MGAT3: variants seen among roughly 807,000 people sequenced by gnomAD.
The protein encoded by MGAT3 is GlcNAc-T III.
MGAT3 carries 9 observed loss-of-function variants against 29.8 expected under a neutral mutation model. That is an observed-to-expected ratio of 0.30 (90% CI 0.18 to 0.53). The LOEUF is 0.53. MGAT3 is among the 20% of genes least tolerant of loss of function. MGAT3 has a pLI of 0.96. For synonymous variants in MGAT3, 397 were observed against 348.9 expected, an observed-to-expected ratio of 1.14 and a Z score of -1.54; for missense variants, 557 against 769.5, an observed-to-expected ratio of 0.72 and a Z score of 3.27.
At chr22:39,481,337 G>A (rs73885231) in intron 1 of MGAT3, among the ~76,000 whole-genome samples, 7,978 of 152,246 alleles carry the variant, frequency 0.052, 340 homozygotes, top group African/African-American at 0.12. Context: ...GCTCCTGCCC[G>A]TTACCCGCTT....
At chr22:39,465,943 A>G (rs1928632925) in intron 1 of MGAT3, among the ~76,000 whole-genome samples, 1 of 151,872 alleles carries the variant, frequency 6.6e-6, no homozygotes, top group South Asian at 2.1e-4. Context: ...AAAAAAAAAA[A>G]AAAAAGAAAA....
At chr22:39,471,474 T>C (rs1369650374) in intron 1 of MGAT3, among the ~76,000 whole-genome samples, 4 of 152,104 alleles carry the variant, frequency 2.6e-5, no homozygotes, top group Non-Finnish European at 4.4e-5. Context: ...GCCCAATTAA[T>C]AATTACAGGC....
intron 1 of MGAT3, among the ~76,000 whole-genome samples, chr22:39,464,757 T>A (rs990481169): frequency 4.0e-5 from 6 of 151,272 alleles, no homozygotes; most frequent in South Asian, 2.1e-4. Context: ...ATATTTATTT[T>A]TTTTTCTTTT....
chr22:39,459,959 C>T (rs1773613563), intron 1 of MGAT3, among the ~76,000 whole-genome samples: 1 of 152,254 alleles, frequency 6.6e-6, no homozygotes, highest in South Asian at 2.1e-4. Flanking sequence ...CTGGGCTGGA[C>T]GTGAACGGCA....
chr22:39,475,525 GTTAAC>G (rs1928933472), intron 1 of MGAT3, among the ~76,000 whole-genome samples: 2 of 152,178 alleles, frequency 1.3e-5, no homozygotes, highest in Non-Finnish European at 2.9e-5. Flanking sequence ...CCCTCCTGTA[GTTAAC>G]CAATGCTCTA....
chr22:39,471,227 G>C (rs1422379994), intron 1 of MGAT3, among the ~76,000 whole-genome samples: 2 of 152,168 alleles, frequency 1.3e-5, no homozygotes, highest in African/African-American at 4.8e-5. Flanking sequence ...TGTCCAGATG[G>C]TCTGGGGCAG....
chr22:39,472,201 C>A (rs905008382), intron 1 of MGAT3, among the ~76,000 whole-genome samples: 1 of 152,022 alleles, frequency 6.6e-6, no homozygotes, highest in Non-Finnish European at 1.5e-5. Flanking sequence ...CAGAATCCAG[C>A]CTCTGCCCCC....
At position 39,489,115 on chromosome 22, in the gene MGAT3, C is replaced by A; in HGVS notation, c.*166C>A. On this transcript the variant is annotated 3_prime_UTR_variant, in exon 2 of 2. Coordinates refer to ENST00000341184, the MANE Select transcript of MGAT3 (RefSeq NM_002409.5). ...ACTGAAGCCCTTGTGAATCAAGGGT[C>A]AGGCCTTTGAGCTCAGAAAATATCC... is the stretch of plus-strand genomic sequence containing the variant. 1 of 960,938 alleles carries A rather than the reference C, an allele frequency of 1.0e-6. No individual in the cohort carries two copies. The highest frequency in any genetic ancestry group is 1.5e-6 in the Non-Finnish European group (1 of 653,786). 59.5% of individuals were successfully genotyped at this position (960,938 alleles called of 1,614,324 possible).
rs1287999933 is a variant in MGAT3 at position 39,489,025 on chromosome 22, C to A, written c.*76C>A. The A allele has an allele frequency of 2.2e-5, 23 of 1,049,300 alleles. No homozygotes were observed. The highest frequency in any genetic ancestry group is 2.8e-5 in the Non-Finnish European group (22 of 788,486). The allele number at this position is 1,049,300 out of a possible 1,614,324, so 65.0% of individuals were successfully genotyped here. On this transcript the variant is annotated 3_prime_UTR_variant, in exon 2 of 2. Transcript: ENST00000341184. ...CTAGCGCTATCTCCCTGCCTCCTGC[C>A]GGCTCCTTGGTTCTTGAGGGGACCA...
chr22:39,470,612 C>T (rs1928780723), intron 1 of MGAT3, among the ~76,000 whole-genome samples: 1 of 152,070 alleles, frequency 6.6e-6, no homozygotes, highest in African/African-American at 2.4e-5. Context: ...CTAGTGAGGA[C>T]CTCGGGGTGG....
At chr22:39,485,095 G>C (rs1267891536) in intron 1 of MGAT3, among the ~76,000 whole-genome samples, 1 of 152,218 alleles carries the variant, frequency 6.6e-6, no homozygotes, top group African/African-American at 2.4e-5. Context: ...ATCTAGGTGG[G>C]ACAGTGCCAG....
At chr22:39,480,998 A>G (rs1348858506) in intron 1 of MGAT3, among the ~76,000 whole-genome samples, 3 of 152,196 alleles carry the variant, frequency 2.0e-5, no homozygotes, top group Non-Finnish European at 4.4e-5. Flanking sequence ...ATTCATTCTC[A>G]GCAGAGCAGC....
At chr22:39,481,071 AG>A (rs1270019012) in intron 1 of MGAT3, among the ~76,000 whole-genome samples, 1 of 152,180 alleles carries the variant, frequency 6.6e-6, no homozygotes, top group Non-Finnish European at 1.5e-5. Context: ...CTCCAGTGAA[AG>A]CCACACTTCG....
chr22:39,478,020 G>C (rs1000576520), intron 1 of MGAT3, among the ~76,000 whole-genome samples: 2 of 152,252 alleles, frequency 1.3e-5, no homozygotes, highest in East Asian at 3.8e-4. Flanking sequence ...TGCCCCAGGA[G>C]CTGCTGTACA....
intron 1 of MGAT3, among the ~76,000 whole-genome samples, chr22:39,472,053 C>T (rs981786601): frequency 6.6e-6 from 1 of 152,060 alleles, no homozygotes; most frequent in Non-Finnish European, 1.5e-5. Context: ...GGCTCAGCCT[C>T]CTTCCAGGGT....
At chr22:39,481,157 G>A (rs1411234828) in intron 1 of MGAT3, among the ~76,000 whole-genome samples, 2 of 152,140 alleles carry the variant, frequency 1.3e-5, no homozygotes, top group Non-Finnish European at 2.9e-5. Context: ...CGTCCCACCC[G>A]CCTTGCTGTT....
At chr22:39,486,293 C>T (rs890021786) in intron 1 of MGAT3, 32 of 326,374 alleles carry the variant, frequency 9.8e-5, no homozygotes, top group African/African-American at 3.6e-4. Flanking sequence ...TATAGGCATG[C>T]GCCACTACAC....
rs1182033666 is a variant in MGAT3 at position 39,490,752 on chromosome 22, G to A, written c.*1803G>A. The A allele has an allele frequency of 6.0e-6, 1 of 166,838 alleles. No individual in the cohort carries two copies. The highest frequency in any genetic ancestry group is 1.5e-5 in the Non-Finnish European group (1 of 68,110). The allele number at this position is 166,838 out of a possible 1,614,324, so 10.3% of individuals were successfully genotyped here. A position where few individuals can be genotyped will look rare whatever the true frequency, so the allele number is the denominator to read the frequency against. Reference sequence around the variant, plus strand: ...ATGGGCATGGGTGCATGCTTGGTGTGTATTTGTACATGTCTGTATTGCTGT... The same window carrying A: ...ATGGGCATGGGTGCATGCTTGGTGTATATTTGTACATGTCTGTATTGCTGT... On this transcript the variant is annotated 3_prime_UTR_variant, in exon 2 of 2. Transcript: ENST00000341184.
chr22:39,461,858 C>T (rs551868030), intron 1 of MGAT3, among the ~76,000 whole-genome samples: 47 of 152,114 alleles, frequency 3.1e-4, no homozygotes, highest in South Asian at 1.2e-3. Context: ...GTCCCCTCTA[C>T]AGATGGGGAA....
Sources: allele counts gnomAD v4.1 joint callset (sites outside exome capture counted in the v4.1 genomes callset), GRCh38; gene constraint gnomAD v4.1.1; transcripts MANE v1.5; gene names NCBI Gene and HGNC (gene_info 2026-07-23, HGNC 2026-07-21).